The following XKR7 variants were observed in gnomAD, a reference collection of about 807,000 sequenced individuals.
XKR7 encodes the protein XK-related protein 7.
Under a neutral mutation model 42.2 loss-of-function variants are expected in XKR7, and 11 were observed. The ratio of observed to expected loss-of-function variants is 0.26; its 90% CI spans 0.16 to 0.43. The LOEUF (loss-of-function observed/expected upper bound fraction) is 0.43. Among genes scored for constraint, XKR7 ranks in the 20% least tolerant of loss-of-function variants. The pLI is 1.00. For synonymous variants in XKR7, 346 were observed against 366.4 expected, an observed-to-expected ratio of 0.94 and a Z score of 0.64; for missense variants, 710 against 802.2, an observed-to-expected ratio of 0.89 and a Z score of 1.39.
At chr20:31,978,647 A>T (rs2064496651) in intron 1 of XKR7, among the ~76,000 whole-genome samples, 1 of 152,244 alleles carries the variant, frequency 6.6e-6, no homozygotes, top group Admixed American at 6.5e-5. Context: ...GGCCGGTATG[A>T]CTGAGGAACT....
At chr20:31,969,161 T>C (rs892673365) in intron 1 of XKR7, among the ~76,000 whole-genome samples, 14 of 152,186 alleles carry the variant, frequency 9.2e-5, no homozygotes, top group African/African-American at 3.4e-4. Flanking sequence ...AGGAAAGATC[T>C]CAGAAGTCCT....
At chr20:31,993,246 C>T (rs115194375) in intron 1 of XKR7, among the ~76,000 whole-genome samples, 4,398 of 152,076 alleles carry the variant, frequency 0.029, 202 homozygotes, top group African/African-American at 0.1. Context: ...GAGTAGGGGG[C>T]GCTGGGAAGG....
chr20:31,969,579 A>T (rs981537070), intron 1 of XKR7, among the ~76,000 whole-genome samples: 1 of 152,174 alleles, frequency 6.6e-6, no homozygotes, highest in Non-Finnish European at 1.5e-5. Context: ...GCTCCTCTTG[A>T]ATCTGAATTG....
intron 1 of XKR7, among the ~76,000 whole-genome samples, chr20:31,976,608 CT>C (rs2064486517): frequency 6.6e-6 from 1 of 152,146 alleles, no homozygotes; most frequent in South Asian, 2.1e-4. Flanking sequence ...TGGTCTCGAA[CT>C]TCTGACCTCA....
rs1032676542 is a variant in XKR7 at position 31,968,538 on chromosome 20, G to A, written c.363G>A (p.Gly121=). 10 of 1,607,930 alleles carry A rather than the reference G, an allele frequency of 6.2e-6. No individual in the cohort carries two copies. Among genetic ancestry groups the A allele is most frequent in the African/African-American group, 1.3e-5 (1 of 74,864 alleles). ...TCTACGACTACTCGGAGCCCGCAGG[G>A]TCCCCGGGACCCGCCGTCAGCACCA... ...WFVYDYSEPA[G]SPGPAVSTKD... The change falls in exon 1 of 3, where the codon GGG becomes GGA. Residue 121 remains glycine, a synonymous_variant. Coordinates refer to ENST00000562532, the MANE Select transcript of XKR7 (RefSeq NM_001011718.2). The surrounding 1 kb of genome is among the most constrained non-coding windows in gnomAD (Gnocchi z 4.5).
chr20:31,969,942 G>A (rs2064456798), intron 1 of XKR7, among the ~76,000 whole-genome samples: 1 of 152,154 alleles, frequency 6.6e-6, no homozygotes, highest in African/African-American at 2.4e-5. Context: ...TGGGGCTGAG[G>A]GTTGAAAACA....
intron 1 of XKR7, among the ~76,000 whole-genome samples, chr20:31,991,697 C>A (rs1362637813): frequency 6.6e-6 from 1 of 152,242 alleles, no homozygotes; most frequent in Non-Finnish European, 1.5e-5. Context: ...CCAGGCCCAG[C>A]AAACCTCTGG....
chr20:31,976,448 G>C (rs184463233), intron 1 of XKR7, among the ~76,000 whole-genome samples: 2 of 151,700 alleles, frequency 1.3e-5, no homozygotes, highest in Admixed American at 6.6e-5. Context: ...GCAGTGGCTC[G>C]ATCTCGGCTC....
chr20:31,969,975 C>T (rs1372180125), intron 1 of XKR7, among the ~76,000 whole-genome samples: 2 of 152,234 alleles, frequency 1.3e-5, no homozygotes, highest in African/African-American at 4.8e-5. Context: ...TTTGTCCCAG[C>T]TGCTCACTTG....
intron 1 of XKR7, among the ~76,000 whole-genome samples, chr20:31,969,143 C>T (rs1172159594): frequency 6.6e-6 from 1 of 152,202 alleles, no homozygotes; most frequent in African/African-American, 2.4e-5. Context: ...AGTGCCAAGC[C>T]TGGGCTCAGG....
intron 1 of XKR7, among the ~76,000 whole-genome samples, chr20:31,979,922 G>A (rs905164318): frequency 6.6e-6 from 1 of 152,056 alleles, no homozygotes; most frequent in Non-Finnish European, 1.5e-5. Context: ...AGAGAGGAGA[G>A]GAGAGCTGGC....
In XKR7 at chr20:31,995,106, G is replaced by T. The variant is rs866723482; in HGVS notation, c.623G>T (p.Trp208Leu). The T allele has an allele frequency of 6.4e-7, 1 of 1,557,398 alleles. No individual in the cohort carries two copies. The highest frequency in any genetic ancestry group is 8.7e-7 in the Non-Finnish European group (1 of 1,151,626). The change falls in exon 2 of 3, where the codon TGG becomes TTG. Residue 208 changes from tryptophan (W) to leucine (L), a missense_variant. This residue lies in a region of XKR7 where 708 missense variants were observed against 786.2 expected (regional missense o/e 0.90). Coordinates refer to ENST00000562532, the MANE Select transcript of XKR7 (RefSeq NM_001011718.2). The surrounding 1 kb of genome is among the most constrained non-coding windows in gnomAD (Gnocchi z 4.1). ...RALYLGLQSR[W>L]RGERLRRHFY... Reference sequence around the variant, plus strand: ...CTGTACCTGGGGCTGCAGAGCCGCTGGCGCGGGGAGCGGCTGCGGCGCCAC... The same window carrying T: ...CTGTACCTGGGGCTGCAGAGCCGCTTGCGCGGGGAGCGGCTGCGGCGCCAC...
chr20:31,976,742 G>A (rs954291153), intron 1 of XKR7, among the ~76,000 whole-genome samples: 2 of 152,114 alleles, frequency 1.3e-5, no homozygotes, highest in Admixed American at 1.3e-4. Context: ...AACATTCTGG[G>A]TTCTTCCCCT....
In XKR7 at chr20:32,003,266, G is replaced by C. The variant is rs2064633891; in HGVS notation, c.*5809G>C. On this transcript the variant is annotated 3_prime_UTR_variant, in exon 3 of 3. Transcript: ENST00000562532. ...CACCCTCCGAGCTTCCCCCAGGAGG[G>C]GGAGGGGGAGGGGGCCCCGAGCTGG... 1 of 152,236 alleles carries C rather than the reference G, an allele frequency of 6.6e-6. No individual in the cohort carries two copies. Among genetic ancestry groups the C allele is most frequent in the Non-Finnish European group, 1.5e-5 (1 of 68,052 alleles). 9.4% of individuals were successfully genotyped at this position (152,236 alleles called of 1,614,324 possible). A position where few individuals can be genotyped will look rare whatever the true frequency, so the allele number is the denominator to read the frequency against.
chr20:31,999,591 A>G lies in XKR7; in HGVS notation c.*2134A>G, dbSNP rs1004760544. 7 of 152,172 alleles carry G rather than the reference A, an allele frequency of 4.6e-5. No individual in the cohort carries two copies. Among genetic ancestry groups the G allele is most frequent in the Non-Finnish European group, 1.0e-4 (7 of 68,032 alleles). 9.4% of individuals were successfully genotyped at this position (152,172 alleles called of 1,614,324 possible). A position where few individuals can be genotyped will look rare whatever the true frequency, so the allele number is the denominator to read the frequency against. ...CTCCAAATCCATCTTTGGAGGCTGA[A>G]TTCACACACAAAGCCGTTGTGAGAT... On this transcript the variant is annotated 3_prime_UTR_variant, in exon 3 of 3. Transcript: ENST00000562532.
intron 1 of XKR7, among the ~76,000 whole-genome samples, chr20:31,977,467 T>C (rs2064490690): frequency 2.0e-5 from 3 of 152,144 alleles, no homozygotes; most frequent in Admixed American, 2.0e-4. Flanking sequence ...CAGCCACAGC[T>C]CCTGTCTCAT....
At chr20:31,974,551 A>G in intron 1 of XKR7, among the ~76,000 whole-genome samples, 1 of 152,174 alleles carries the variant, frequency 6.6e-6, no homozygotes, top group East Asian at 1.9e-4. Context: ...ATGGTGCTTG[A>G]GGTAGTAGAA....
chr20:31,981,064 C>CAAAA (rs1304530509), intron 1 of XKR7, among the ~76,000 whole-genome samples: 182 of 94,486 alleles, frequency 1.9e-3, no homozygotes, highest in African/African-American at 6.9e-3. Flanking sequence ...GACCCTGTCT[C>CAAAA]AAAAAAAAAA....
chr20:31,993,275 CAGG>C (rs1165180261), intron 1 of XKR7, among the ~76,000 whole-genome samples: 1 of 152,096 alleles, frequency 6.6e-6, no homozygotes, highest in Non-Finnish European at 1.5e-5. Flanking sequence ...TCTGTAGCTG[CAGG>C]AGTAGAGCTT....
Sources: gnomAD v4.1 joint callset for allele counts (sites outside exome capture counted in the v4.1 genomes callset) on GRCh38, gnomAD v4.1.1 for gene constraint, gnomAD v4.1.1 regional missense constraint, Gnocchi (gnomAD v3.1) non-coding constraint, MANE v1.5 for transcripts, NCBI Gene and HGNC (gene_info 2026-07-23, HGNC 2026-07-21) for gene names.